The following TTC31 variants were observed in gnomAD, a reference collection of about 807,000 sequenced individuals.
TTC31 encodes the protein tetratricopeptide repeat domain 31, also known as tetratricopeptide repeat protein 31.
Under a neutral mutation model 60.4 loss-of-function variants are expected in TTC31, and 59 were observed. That is an observed-to-expected ratio of 0.98 (90% CI 0.79 to 1.21). The LOEUF (loss-of-function observed/expected upper bound fraction) is 1.21. TTC31 is among the 50% of genes most tolerant of loss of function. The pLI is 0.00. For synonymous variants in TTC31, 225 were observed against 249.6 expected, an observed-to-expected ratio of 0.90 and a Z score of 0.93; for missense variants, 672 against 646.9, an observed-to-expected ratio of 1.04 and a Z score of -0.42.
Position 74,493,427 on chromosome 2 carries a change from T to G in TTC31, c.*209T>G, listed in dbSNP as rs1674171008. On this transcript the variant is annotated 3_prime_UTR_variant, in exon 13 of 13. Transcript: ENST00000233623. ...TGAAACATCCTTTGGTTCTCAAGCT[T>G]CTTCTGGAGGCAGTAAGGAAAAATA... The G allele has an allele frequency of 1.3e-5, 7 of 559,072 alleles. No individual in the cohort carries two copies. Among genetic ancestry groups the G allele is most frequent in the South Asian group, 5.7e-5 (2 of 34,836 alleles). 34.6% of individuals were successfully genotyped at this position (559,072 alleles called of 1,614,324 possible). A position where few individuals can be genotyped will look rare whatever the true frequency, so the allele number is the denominator to read the frequency against.
chr2:74,487,894 G>C (rs1330393782), intron 2 of TTC31, among the ~76,000 whole-genome samples: 1 of 151,942 alleles, frequency 6.6e-6, no homozygotes, highest in Non-Finnish European at 1.5e-5. Flanking sequence ...TGGCCAGGCT[G>C]GTCTAAAACT....
intron 11 of TTC31, 47 bp downstream of exon 11, chr2:74,492,492 G>A: frequency 2.6e-6 from 4 of 1,527,806 alleles, no homozygotes; most frequent in Non-Finnish European, 3.5e-6. Flanking sequence ...GTGGGATGGA[G>A]TGGGGAGAGG....
chr2:74,491,868 T>C, intron 8 of TTC31, 136 bp from the exon 9 acceptor site: 1 of 1,478,862 alleles, frequency 6.8e-7, no homozygotes, highest in Admixed American at 2.0e-5. Flanking sequence ...ATAGGGCTGA[T>C]ACCATCTTGT....
intron 2 of TTC31, among the ~76,000 whole-genome samples, chr2:74,488,603 C>T (rs1027213228): frequency 6.6e-6 from 1 of 152,148 alleles, no homozygotes; most frequent in South Asian, 2.1e-4. Flanking sequence ...ATGACTTCTC[C>T]AGAATCAAAC....
At chr2:74,483,641 G>C (rs1572937655) in intron 2 of TTC31, 2 of 1,377,032 alleles carry the variant, frequency 1.5e-6, no homozygotes, top group East Asian at 3.0e-5. Flanking sequence ...AGCAGACAAG[G>C]GTCTCTGAGT....
intron 2 of TTC31, 42 bp from the exon 3 acceptor site, chr2:74,489,983 G>T: frequency 7.1e-7 from 1 of 1,416,918 alleles, no homozygotes; most frequent in Non-Finnish European, 9.7e-7. Flanking sequence ...TCCAGGAACT[G>T]CCCCCAACAC....
At position 74,492,976 on chromosome 2, in the gene TTC31, C is replaced by T. The variant is rs748396264; in HGVS notation, c.1318C>T (p.Pro440Ser). The change falls in exon 13 of 13, where the codon CCA becomes TCA. Residue 440 changes from proline to serine, a missense_variant. Physicochemically the swap from Pro to Ser is moderately conservative, Grantham distance 74 (BLOSUM62 -1). Coordinates refer to ENST00000233623, the MANE Select transcript of TTC31 (RefSeq NM_022492.6). ...ACCTCTGTCACCTGGGGCCCTCCAGCCACTTCCCCATGCTGAGCTGGCACC... is the reference window on the plus strand; with the variant it reads ...ACCTCTGTCACCTGGGGCCCTCCAGTCACTTCCCCATGCTGAGCTGGCACC... The part of the protein sequence containing the change: ...APPLSPGALQ[P>S]LPHAELAPSG... 2 of 1,613,844 alleles carry T rather than the reference C, an allele frequency of 1.2e-6. No homozygotes were observed. The highest frequency in any genetic ancestry group is 4.5e-5 in the East Asian group (2 of 44,874).
Position 74,483,409 on chromosome 2 carries a change from A to G in TTC31, c.128A>G (p.Glu43Gly). ...KEFGPEDYGE[E>G]DIVDFLRRLV... Reference sequence around the variant, plus strand: ...TTCGGTCCAGAGGATTACGGCGAAGAGGTAAAAGCGACCCTCAGTTTCCCC... The same window carrying G: ...TTCGGTCCAGAGGATTACGGCGAAGGGGTAAAAGCGACCCTCAGTTTCCCC... The change falls in exon 2 of 13, where the codon GAG becomes GGG. Residue 43 changes from glutamate (E) to glycine (G), a missense_variant and splice_region_variant. Transcript: ENST00000233623. 1 of 1,613,286 alleles carries G rather than the reference A, an allele frequency of 6.2e-7. No individual in the cohort carries two copies. The highest frequency in any genetic ancestry group is 1.1e-5 in the South Asian group (1 of 91,072).
intron 2 of TTC31, among the ~76,000 whole-genome samples, chr2:74,483,958 G>A (rs1238334704): frequency 2.1e-5 from 3 of 145,886 alleles, no homozygotes; most frequent in African/African-American, 7.7e-5. Flanking sequence ...AAAAAAAGCT[G>A]GGCCCAGTGG....
chr2:74,492,807 T>A, intron 12 of TTC31, 60 bp downstream of exon 12: 1 of 1,598,852 alleles, frequency 6.3e-7, no homozygotes, highest in Non-Finnish European at 8.6e-7. Flanking sequence ...TGGCTGGGAC[T>A]GCAATACCAA....
intron 1 of TTC31, 22 bp downstream of exon 1, chr2:74,483,157 G>T: frequency 6.2e-7 from 1 of 1,614,224 alleles, no homozygotes; most frequent in Non-Finnish European, 8.5e-7. Flanking sequence ...GACAAGACCA[G>T]TGGGGGTCTA....
At chr2:74,491,071 A>G (rs2104241819) in intron 5 of TTC31, 57 bp from the exon 6 acceptor site, 5 of 1,604,172 alleles carry the variant, frequency 3.1e-6, no homozygotes, top group Non-Finnish European at 4.3e-6. Context: ...ATCTTAGCCC[A>G]GCACACGACA....
chr2:74,491,804 C>T lies in TTC31; in HGVS notation c.876+132C>T, dbSNP rs1460822231. The T allele has an allele frequency of 4.4e-6, 6 of 1,379,172 alleles. No homozygotes were observed. The South Asian group carries it at 7.6e-5, about 18-fold the overall frequency. The allele number at this position is 1,379,172 out of a possible 1,614,324, so 85.4% of individuals were successfully genotyped here. ...TCTGGCTCTAGGGTCAAGAGACCTA[C>T]AGTCAGGCCCCATCACTGTCACCAT... On this transcript the variant is annotated intron_variant, in intron 8 of 12. Coordinates refer to ENST00000233623, the MANE Select transcript of TTC31 (RefSeq NM_022492.6).
Position 74,492,446 on chromosome 2 carries a change from G to A in TTC31, c.1161+1G>A. 6.6e-7 allele frequency: 1 copy of A among 1,523,226 alleles called. No homozygotes were observed. The highest frequency in any genetic ancestry group is 8.8e-7 in the Non-Finnish European group (1 of 1,136,718). 94.4% of individuals were successfully genotyped at this position (1,523,226 alleles called of 1,614,324 possible). A position where few individuals can be genotyped will look rare whatever the true frequency, so the allele number is the denominator to read the frequency against. ...GGGCAAGGCCTTGATGGGACTACAG[G>A]TAATAGGTCTGGGGCTGGAAACAGG... On this transcript the variant is annotated splice_donor_variant, in intron 11 of 12. Transcript: ENST00000233623. LOFTEE classifies it high-confidence loss of function.
chr2:74,483,489 G>A, intron 2 of TTC31, 79 bp downstream of exon 2: 1 of 1,603,994 alleles, frequency 6.2e-7, no homozygotes, highest in Non-Finnish European at 8.5e-7. Flanking sequence ...AGAAACCCGC[G>A]ACGGATGGGC....
chr2:74,485,469 CTTT>C (rs367876253), intron 2 of TTC31, among the ~76,000 whole-genome samples: 24 of 115,268 alleles, frequency 2.1e-4, no homozygotes, highest in Admixed American at 1.9e-4. Context: ...AGCAGTATTT[CTTT>C]TTTTTTTTTT....
At chr2:74,488,011 G>A (rs1319886550) in intron 2 of TTC31, among the ~76,000 whole-genome samples, 3 of 152,150 alleles carry the variant, frequency 2.0e-5, no homozygotes, top group African/African-American at 2.4e-5. Context: ...GTCTCCCTCT[G>A]TTACCCAGGC....
At chr2:74,484,892 T>G (rs1424747866) in intron 2 of TTC31, among the ~76,000 whole-genome samples, 1 of 152,204 alleles carries the variant, frequency 6.6e-6, no homozygotes, top group Non-Finnish European at 1.5e-5. Flanking sequence ...GTTTGTAAAT[T>G]GGTTGCTTTT....
chr2:74,483,224 A>G, intron 1 of TTC31, 89 bp downstream of exon 1: 2 of 1,613,394 alleles, frequency 1.2e-6, no homozygotes, highest in South Asian at 1.1e-5. Context: ...TTCGAGTAGG[A>G]TTTTATGCAG....
Sources: gnomAD v4.1 joint callset for allele counts (sites outside exome capture counted in the v4.1 genomes callset) on GRCh38, gnomAD v4.1.1 for gene constraint, MANE v1.5 for transcripts, NCBI Gene and HGNC (gene_info 2026-07-23, HGNC 2026-07-21) for gene names.